The following STK32B variants were observed in gnomAD, a reference collection of about 807,000 sequenced individuals.
The protein encoded by STK32B is serine/threonine-protein kinase 32B.
In STK32B, 43 loss-of-function variants were observed where a neutral mutation model predicts 52.6. The ratio of observed to expected loss-of-function variants is 0.82; its 90% confidence interval spans 0.64 to 1.05. STK32B has a LOEUF of 1.05. STK32B is among the 50% of genes least tolerant of loss of function. The pLI is 0.00. For synonymous variants in STK32B, 238 were observed against 204.3 expected (o/e 1.17, Z -1.41); for missense variants, 621 against 534.6 (o/e 1.16, Z -1.59).
chr4:5,120,452 A>T (rs546790586), intron 1 of STK32B, among the ~76,000 whole-genome samples: 6 of 152,300 alleles, frequency 3.9e-5, no homozygotes, highest in African/African-American at 1.4e-4. Context: ...TACTGTTATA[A>T]TTTTTCCATA....
chr4:5,480,190 T>C (rs1479839715), intron 11 of STK32B, among the ~76,000 whole-genome samples: 2 of 152,202 alleles, frequency 1.3e-5, no homozygotes, highest in Non-Finnish European at 2.9e-5. Context: ...TTATCTTCTT[T>C]TCATTTTTTA....
chr4:5,100,010 A>AC (rs1423929945), intron 1 of STK32B, among the ~76,000 whole-genome samples: 1 of 152,152 alleles, frequency 6.6e-6, no homozygotes, highest in African/African-American at 2.4e-5. Flanking sequence ...TAAAAAAAAA[A>AC]AAAACACTGA....
At chr4:5,474,267 T>G (rs1435173169) in intron 11 of STK32B, among the ~76,000 whole-genome samples, 2 of 152,042 alleles carry the variant, frequency 1.3e-5, no homozygotes, top group Non-Finnish European at 2.9e-5. Context: ...GCACAAGGGG[T>G]GCAATCCATC....
chr4:5,243,459 C>T (rs1376093170), intron 3 of STK32B, among the ~76,000 whole-genome samples: 1 of 152,164 alleles, frequency 6.6e-6, no homozygotes, highest in Non-Finnish European at 1.5e-5. Context: ...AGTTGCTCAT[C>T]AGCTTAAGGA....
At chr4:5,131,750 G>T (rs1577090151) in intron 1 of STK32B, among the ~76,000 whole-genome samples, 1 of 152,160 alleles carries the variant, frequency 6.6e-6, no homozygotes, top group African/African-American at 2.4e-5. Context: ...TTATGGATCT[G>T]CTCTATTATC....
chr4:5,328,371 G>C (rs1236176710), intron 3 of STK32B, among the ~76,000 whole-genome samples: 3 of 152,144 alleles, frequency 2.0e-5, no homozygotes, highest in African/African-American at 7.2e-5. Context: ...ATCATTTCTA[G>C]TACTTGATGT....
intron 11 of STK32B, among the ~76,000 whole-genome samples, chr4:5,486,725 T>C (rs181331890): frequency 6.6e-6 from 1 of 152,246 alleles, no homozygotes; most frequent in Non-Finnish European, 1.5e-5. Context: ...AGTTCCTATT[T>C]AGGGGACTGG....
intron 10 of STK32B, 29 bp downstream of exon 10, chr4:5,466,863 A>C: frequency 6.2e-7 from 1 of 1,606,586 alleles, no homozygotes; most frequent in Non-Finnish European, 8.5e-7. Context: ...CCGTTCCGGG[A>C]GAGAAATCCT....
chr4:5,309,107 A>G (rs1282557404), intron 3 of STK32B, among the ~76,000 whole-genome samples: 1 of 152,114 alleles, frequency 6.6e-6, no homozygotes, highest in Admixed American at 6.6e-5. Flanking sequence ...CCAACAAAAA[A>G]CTAGTGGGAA....
intron 3 of STK32B, among the ~76,000 whole-genome samples, chr4:5,268,538 G>GGT (rs10593272): frequency 0.038 from 5,331 of 140,068 alleles, 101 homozygotes; most frequent in Middle Eastern, 0.051. Context: ...TGCTTGGTGT[G>GGT]GTGTGTGTGT....
intron 6 of STK32B, among the ~76,000 whole-genome samples, chr4:5,428,711 G>A (rs1031718795): frequency 1.3e-5 from 2 of 152,066 alleles, no homozygotes; most frequent in African/African-American, 2.4e-5. Context: ...TTGATTTTTT[G>A]TCTACTTCTT....
chr4:5,211,963 G>C (rs1722931604), intron 3 of STK32B, among the ~76,000 whole-genome samples: 1 of 152,150 alleles, frequency 6.6e-6, no homozygotes, highest in African/African-American at 2.4e-5. Context: ...ACAACGTTGA[G>C]AGTTAAGACT....
At chr4:5,308,063 G>A (rs541192822) in intron 3 of STK32B, among the ~76,000 whole-genome samples, 4 of 152,102 alleles carry the variant, frequency 2.6e-5, no homozygotes, top group East Asian at 3.9e-4. Context: ...GAGGGTCCTC[G>A]GTTGTATTTT....
At chr4:5,252,264 G>T (rs1725987324) in intron 3 of STK32B, among the ~76,000 whole-genome samples, 1 of 152,110 alleles carries the variant, frequency 6.6e-6, no homozygotes, top group South Asian at 2.1e-4. Context: ...TTATTCAGTG[G>T]CTCTCCACCA....
intron 1 of STK32B, among the ~76,000 whole-genome samples, chr4:5,122,082 TCTCA>T (rs940157579): frequency 4.0e-5 from 6 of 151,700 alleles, no homozygotes; most frequent in Non-Finnish European, 7.4e-5. Context: ...ATACTCATTC[TCTCA>T]CTCATTTACT....
At chr4:5,039,032 G>A in the STK32B span, among the ~76,000 whole-genome samples, 1 of 145,002 alleles carries the variant, frequency 6.9e-6, no homozygotes, top group East Asian at 2.0e-4. Context: ...TTTTGCCCAG[G>A]TTGGAGTGCA....
chr4:5,414,258 GATA>G (rs951310292), intron 5 of STK32B, among the ~76,000 whole-genome samples: 10 of 151,674 alleles, frequency 6.6e-5, no homozygotes, highest in Non-Finnish European at 1.5e-4. Context: ...TAACATATAT[GATA>G]ATAATATAAA....
chr4:5,159,552 A>AATATATG lies in STK32B; in HGVS notation c.109-8741_109-8740insGATATAT, dbSNP rs1560185658. Among the ~76,000 whole-genome samples, 5 of 69,272 alleles carry AATATATG rather than the reference A, an allele frequency of 7.2e-5. No individual in the cohort carries two copies. In the East Asian group the frequency reaches 1.4e-3, roughly 19 times the overall value. The allele number at this position is 69,272 out of a possible 152,430, so 45.4% of individuals were successfully genotyped here. ...ATATATGTATATATGTATATATATGAATATATATGAATGAATATATATGAA... is the reference window on the plus strand; with the variant it reads ...ATATATGTATATATGTATATATATGAATATATGATATATATGAATGAATATATATGAA... On this transcript the variant is annotated intron_variant, in intron 2 of 11. Coordinates refer to ENST00000282908, the MANE Select transcript of STK32B (RefSeq NM_018401.3).
At chr4:5,139,702 A>G in intron 1 of STK32B, 2 of 585,884 alleles carry the variant, frequency 3.4e-6, no homozygotes, top group South Asian at 2.2e-5. Context: ...AAGGCTTCAG[A>G]TGGACAATTT....
Sources: allele counts gnomAD v4.1 joint callset (sites outside exome capture counted in the v4.1 genomes callset), GRCh38; gene constraint gnomAD v4.1.1; transcripts MANE v1.5; gene names NCBI Gene and HGNC (gene_info 2026-07-23, HGNC 2026-07-21).